ARHGEF7: variants seen among roughly 807,000 people sequenced by gnomAD.
The protein encoded by ARHGEF7 is PAK-interacting exchange factor beta.
ARHGEF7 carries 33 observed loss-of-function variants against 109.8 expected under a neutral mutation model. The ratio of observed to expected loss-of-function variants is 0.30; its 90% CI spans 0.23 to 0.40. The LOEUF is 0.40. ARHGEF7 is among the 10% of genes least tolerant of loss of function. ARHGEF7 has a pLI of 1.00. For missense variants in ARHGEF7, 938 were observed against 1,098.5 expected, an observed-to-expected ratio of 0.85 and a Z score of 2.07; for synonymous variants, 458 against 424.6, an observed-to-expected ratio of 1.08 and a Z score of -0.97.
At chr13:111,198,307 A>G (rs1383280871) in intron 2 of ARHGEF7, among the ~76,000 whole-genome samples, 1 of 152,154 alleles carries the variant, frequency 6.6e-6, no homozygotes, top group Non-Finnish European at 1.5e-5. Context: ...CTGCTTGGCG[A>G]TAGTCCCATC....
chr13:111,244,001 T>C (rs1031619650), intron 7 of ARHGEF7, 35 bp downstream of exon 7: 21 of 1,526,766 alleles, frequency 1.4e-5, no homozygotes, highest in Non-Finnish European at 1.8e-5. Flanking sequence ...AACTGTAAAA[T>C]AGTCTAAACC....
chr13:111,283,434 G>T, intron 16 of ARHGEF7, 71 bp downstream of exon 16: 1 of 1,507,554 alleles, frequency 6.6e-7, no homozygotes, highest in Non-Finnish European at 8.8e-7. Flanking sequence ...GTGCCCACGT[G>T]CTGGGCCTTC....
intron 2 of ARHGEF7, among the ~76,000 whole-genome samples, chr13:111,190,359 G>A (rs2079737411): frequency 6.6e-6 from 1 of 152,166 alleles, no homozygotes. Flanking sequence ...ACACCGGGCA[G>A]CATCTCGTAC....
chr13:111,214,128 C>T (rs1566843228), intron 4 of ARHGEF7, among the ~76,000 whole-genome samples: 1 of 152,228 alleles, frequency 6.6e-6, no homozygotes. Context: ...TAGACGCCGC[C>T]CTTTCTTTCT....
chr13:111,144,224 G>C (rs2075479763), intron 1 of ARHGEF7: 1 of 152,204 alleles, frequency 6.6e-6, no homozygotes, highest in East Asian at 1.9e-4. Context: ...AAAACAATTT[G>C]TTTGTTCCCA....
intron 4 of ARHGEF7, among the ~76,000 whole-genome samples, chr13:111,210,601 G>A (rs186910603): frequency 6.6e-6 from 1 of 152,274 alleles, no homozygotes; most frequent in East Asian, 1.9e-4. Context: ...AAAGCCCATG[G>A]AATGTAATAG....
intron 1 of ARHGEF7, among the ~76,000 whole-genome samples, chr13:111,128,425 G>A (rs1187973583): frequency 6.6e-6 from 1 of 152,118 alleles, no homozygotes; most frequent in Non-Finnish European, 1.5e-5. Flanking sequence ...CCTGGGAGTT[G>A]GAGGTTGCAG....
intron 18 of ARHGEF7, among the ~76,000 whole-genome samples, chr13:111,291,490 G>C (rs1288985652): frequency 6.6e-6 from 1 of 152,260 alleles, no homozygotes; most frequent in African/African-American, 2.4e-5. Flanking sequence ...TTCTGGGGCT[G>C]TGGGCCCTGC....
chr13:111,127,398 T>A (rs986104003), intron 1 of ARHGEF7, among the ~76,000 whole-genome samples: 1 of 151,956 alleles, frequency 6.6e-6, no homozygotes, highest in Admixed American at 6.6e-5. Context: ...GTGGCTCACA[T>A]CTGTAATCCC....
intron 1 of ARHGEF7, among the ~76,000 whole-genome samples, chr13:111,140,524 C>T (rs1948583448): frequency 6.6e-6 from 1 of 152,076 alleles, no homozygotes; most frequent in South Asian, 2.1e-4. Flanking sequence ...GTGCGAGGTC[C>T]TGGGGTAGAA....
rs748701475 is a variant in ARHGEF7 at position 111,243,919 on chromosome 13, T to A, written c.807T>A (p.Leu269=). 6.2e-7 allele frequency: 1 copy of A among 1,613,444 alleles called. No individual in the cohort carries two copies. The part of the protein sequence containing the change: ...LETENEYSKE[L]QTVLSTYLRP... Reference sequence around the variant, plus strand: ...CAGAAAATGAATATTCTAAAGAACTTCAGACTGTGCTTTCAACGTACCTAC... The same window carrying A: ...CAGAAAATGAATATTCTAAAGAACTACAGACTGTGCTTTCAACGTACCTAC... The change falls in exon 7 of 22, where the codon CTT becomes CTA. Residue 269 remains leucine (L), a synonymous_variant. Coordinates refer to ENST00000646102, the MANE Select transcript of ARHGEF7 (RefSeq NM_001354046.2).
At chr13:111,283,976 C>T (rs2092909353) in intron 16 of ARHGEF7, among the ~76,000 whole-genome samples, 1 of 152,162 alleles carries the variant, frequency 6.6e-6, no homozygotes. Flanking sequence ...TTAACACTTC[C>T]TTACACTTTT....
chr13:111,276,588 A>T (rs1243844827), intron 12 of ARHGEF7, among the ~76,000 whole-genome samples: 1 of 152,178 alleles, frequency 6.6e-6, no homozygotes, highest in Admixed American at 6.5e-5. Flanking sequence ...TTACTCCAAA[A>T]TGCTTCAGAG....
chr13:111,231,181 A>C (rs1030081434), intron 5 of ARHGEF7, among the ~76,000 whole-genome samples: 1 of 152,170 alleles, frequency 6.6e-6, no homozygotes, highest in Non-Finnish European at 1.5e-5. Flanking sequence ...CCTGCCTCCA[A>C]ATTGTAGATT....
chr13:111,117,300 A>G (rs1170167128), intron 1 of ARHGEF7, among the ~76,000 whole-genome samples: 1 of 152,256 alleles, frequency 6.6e-6, no homozygotes, highest in Non-Finnish European at 1.5e-5. Context: ...AGATTTTCCT[A>G]GAAAACCGTA....
Position 111,258,778 on chromosome 13 carries a change from A to G in ARHGEF7, c.951-8770A>G, listed in dbSNP as rs2090753639. 6.6e-6 allele frequency among the ~76,000 whole-genome samples: 1 copy of G among 152,098 alleles called. No homozygotes were observed. Among genetic ancestry groups the G allele is most frequent in the South Asian group, 2.1e-4 (1 of 4,828 alleles). ...GTGGAACATCAAGTGGGCTCTTGGG[A>G]GTCCCCAGTTTCAGGCCTTGGCTGT... is the stretch of plus-strand genomic sequence containing the variant. On this transcript the variant is annotated intron_variant, in intron 8 of 21. Coordinates refer to ENST00000646102, the MANE Select transcript of ARHGEF7 (RefSeq NM_001354046.2). The surrounding 1 kb of genome is among the most constrained non-coding windows in gnomAD (Gnocchi z 4.4).
chr13:111,202,322 G>A (rs1416193530), intron 2 of ARHGEF7, among the ~76,000 whole-genome samples: 1 of 152,194 alleles, frequency 6.6e-6, no homozygotes, highest in Non-Finnish European at 1.5e-5. Context: ...GCTTGGCTGT[G>A]TGTTGGAGTC....
At chr13:111,233,347 C>T (rs756688521) in intron 6 of ARHGEF7, 54 bp downstream of exon 6, 17 of 1,381,656 alleles carry the variant, frequency 1.2e-5, no homozygotes, top group African/African-American at 4.3e-5. Context: ...GCCTGTAAAA[C>T]TCAGCAATGT....
At chr13:111,207,530 G>A (rs1405188459) in intron 3 of ARHGEF7, among the ~76,000 whole-genome samples, 1 of 152,226 alleles carries the variant, frequency 6.6e-6, no homozygotes, top group African/African-American at 2.4e-5. Flanking sequence ...GCACAGATAT[G>A]TAAAATCTAC....
Sources: allele counts gnomAD v4.1 joint callset (sites outside exome capture counted in the v4.1 genomes callset), GRCh38; gene constraint gnomAD v4.1.1; non-coding constraint Gnocchi (gnomAD v3.1); transcripts MANE v1.5; gene names NCBI Gene and HGNC (gene_info 2026-07-23, HGNC 2026-07-21).